The following CORO2B variants were observed in gnomAD, a reference collection of about 807,000 sequenced individuals.
The protein encoded by CORO2B is coronin 2B.
In CORO2B, 26 loss-of-function variants were observed where a neutral mutation model predicts 58.8. That is an observed-to-expected ratio of 0.44 (90% CI 0.32 to 0.61). The LOEUF (loss-of-function observed/expected upper bound fraction) is 0.61, where lower values mean the gene tolerates loss of function less well. Ranked by LOEUF, CORO2B falls within the 20% of genes least tolerant of loss-of-function variation. CORO2B has a pLI of 0.04. For synonymous variants in CORO2B, 242 were observed against 253.8 expected (o/e 0.95, Z 0.44); for missense variants, 460 against 645.1 (o/e 0.71, Z 3.11).
intron 3 of CORO2B, among the ~76,000 whole-genome samples, chr15:68,709,417 G>A (rs1388729150): frequency 6.7e-6 from 1 of 148,524 alleles, no homozygotes; most frequent in Non-Finnish European, 1.5e-5. Flanking sequence ...CTCCTTACTA[G>A]CAAGGGTGGA....
At position 68,726,082 on chromosome 15, in the gene CORO2B, G is replaced by GTCCTCAGGCTGGCCC; in HGVS notation, c.*108_*109insTCCTCAGGCTGGCCC. 1 of 1,433,450 alleles carries GTCCTCAGGCTGGCCC rather than the reference G, an allele frequency of 7.0e-7. No homozygotes were observed. The highest frequency in any genetic ancestry group is 9.4e-7 in the Non-Finnish European group (1 of 1,060,118). 88.8% of individuals were successfully genotyped at this position (1,433,450 alleles called of 1,614,324 possible). A position where few individuals can be genotyped will look rare whatever the true frequency, so the allele number is the denominator to read the frequency against. On this transcript the variant is annotated 3_prime_UTR_variant, in exon 12 of 12. Coordinates refer to ENST00000261861, the MANE Select transcript of CORO2B (RefSeq NM_006091.5). ...AGACAGAGCCAGGACAGGAGTGGGG[G>GTCCTCAGGCTGGCCC]CCAGCCTGAGGACCCCCGCCTACCA... is the stretch of plus-strand genomic sequence containing the variant.
At chr15:68,597,332 T>G (rs59224067) in intron 1 of CORO2B, among the ~76,000 whole-genome samples, 1,807 of 152,290 alleles carry the variant, frequency 0.012, 38 homozygotes, top group African/African-American at 0.041. Context: ...TAATGCTTAT[T>G]CAGCGCTTAC....
the CORO2B span, among the ~76,000 whole-genome samples, chr15:68,551,245 G>T: frequency 6.6e-6 from 1 of 152,066 alleles, no homozygotes; most frequent in African/African-American, 2.4e-5. Flanking sequence ...GGATGCTCTC[G>T]GGGGCTCATT....
intron 3 of CORO2B, among the ~76,000 whole-genome samples, chr15:68,702,946 C>T (rs570471123): frequency 6.7e-6 from 1 of 149,900 alleles, no homozygotes; most frequent in Non-Finnish European, 1.5e-5. Flanking sequence ...CATGCCTCAG[C>T]CTCCCAAGTA....
intron 1 of CORO2B, among the ~76,000 whole-genome samples, chr15:68,580,846 G>T (rs969588290): frequency 1.3e-5 from 2 of 152,216 alleles, no homozygotes; most frequent in South Asian, 2.1e-4. Context: ...CTTTTTGTGC[G>T]CGAGCTCATG....
At chr15:68,553,905 C>T in the CORO2B span, among the ~76,000 whole-genome samples, 9 of 152,224 alleles carry the variant, frequency 5.9e-5, no homozygotes, top group African/African-American at 2.2e-4. Context: ...AATGGGGAGC[C>T]ATTGAAGGTT....
chr15:68,620,550 C>T (rs1360435699), intron 1 of CORO2B, among the ~76,000 whole-genome samples: 2 of 152,310 alleles, frequency 1.3e-5, no homozygotes, highest in East Asian at 3.9e-4. Context: ...AGAGGGTCTT[C>T]CCCTTCCAAC....
At chr15:68,632,838 C>T (rs149121757) in intron 1 of CORO2B, among the ~76,000 whole-genome samples, 327 of 152,316 alleles carry the variant, frequency 2.1e-3, no homozygotes, top group Middle Eastern at 6.8e-3. Context: ...GTGATCTGCC[C>T]GCCTTGGTCC....
chr15:68,641,617 C>T (rs374332386), intron 1 of CORO2B: 30 of 984,858 alleles, frequency 3.0e-5, no homozygotes, highest in Middle Eastern at 5.2e-4. Context: ...CGGGTGGGCT[C>T]AGGAGAGCCT....
the CORO2B span, among the ~76,000 whole-genome samples, chr15:68,529,362 T>C: frequency 6.8e-4 from 103 of 152,344 alleles, no homozygotes; most frequent in Admixed American, 1.4e-3. Context: ...CAGGTCACAA[T>C]AGGTAACACA....
At chr15:68,702,565 C>T (rs977042509) in intron 3 of CORO2B, among the ~76,000 whole-genome samples, 1 of 152,092 alleles carries the variant, frequency 6.6e-6, no homozygotes, top group Non-Finnish European at 1.5e-5. Context: ...TGATGATAAA[C>T]TCAATTTTTA....
chr15:68,692,632 C>CT (rs139335081), intron 2 of CORO2B, among the ~76,000 whole-genome samples: 52 of 139,216 alleles, frequency 3.7e-4, no homozygotes, highest in African/African-American at 9.2e-4. Flanking sequence ...AAAAACTTTC[C>CT]TTTTTTTTTT....
intron 2 of CORO2B, among the ~76,000 whole-genome samples, chr15:68,665,042 G>A (rs1902149782): frequency 6.6e-6 from 1 of 152,114 alleles, no homozygotes; most frequent in Non-Finnish European, 1.5e-5. Context: ...TTGGGCCATA[G>A]TTAGAAAGGC....
intron 2 of CORO2B, 58 bp from the exon 3 acceptor site, chr15:68,695,082 G>A: frequency 1.5e-6 from 2 of 1,370,258 alleles, no homozygotes; most frequent in Non-Finnish European, 2.1e-6. Flanking sequence ...TCCATTCAAG[G>A]CCACCCCAGG....
At chr15:68,642,508 T>A (rs1187217353) in intron 1 of CORO2B, among the ~76,000 whole-genome samples, 1 of 152,200 alleles carries the variant, frequency 6.6e-6, no homozygotes, top group Non-Finnish European at 1.5e-5. Flanking sequence ...TCTGGTGTCA[T>A]CTGTCTCCCC....
At chr15:68,639,487 T>A (rs1296992463) in intron 1 of CORO2B, among the ~76,000 whole-genome samples, 1 of 151,870 alleles carries the variant, frequency 6.6e-6, no homozygotes, top group Admixed American at 6.6e-5. Flanking sequence ...CCAACTGGGG[T>A]AGGGGAATAT....
intron 1 of CORO2B, among the ~76,000 whole-genome samples, chr15:68,623,360 T>A (rs1900578866): frequency 6.6e-6 from 1 of 152,170 alleles, no homozygotes. Context: ...ATGCAGACCC[T>A]GGGTGCTTTG....
At chr15:68,573,197 C>G in the CORO2B span, among the ~76,000 whole-genome samples, 1 of 152,050 alleles carries the variant, frequency 6.6e-6, no homozygotes, top group South Asian at 2.1e-4. Context: ...GCCCCCCAAC[C>G]CCCAGCATCC....
chr15:68,710,711 G>A lies in CORO2B; in HGVS notation c.334-21G>A. ...TTCTTGGCCGTGTCCACCCAGCCTG[G>A]ACCCTCATCTCCCTCTGCAGGTGCG... On this transcript the variant is annotated intron_variant, in intron 3 of 11. Coordinates refer to ENST00000261861, the MANE Select transcript of CORO2B (RefSeq NM_006091.5). This position sits in a 1 kb window ranked among gnomAD's most constrained non-coding sequence, Gnocchi z 4.1. 3 of 1,575,854 alleles carry A rather than the reference G, an allele frequency of 1.9e-6. No individual in the cohort carries two copies. Among genetic ancestry groups the A allele is most frequent in the Non-Finnish European group, 1.7e-6 (2 of 1,158,188 alleles).
Sources: allele counts gnomAD v4.1 joint callset (sites outside exome capture counted in the v4.1 genomes callset), GRCh38; gene constraint gnomAD v4.1.1; non-coding constraint Gnocchi (gnomAD v3.1); transcripts MANE v1.5; gene names NCBI Gene and HGNC (gene_info 2026-07-23, HGNC 2026-07-21).